Variants in DMD observed in about 807,000 individuals in gnomAD.
DMD encodes mutant dystrophin.
A neutral mutation model predicts 330.1 loss-of-function variants in DMD; 63 were observed. The ratio of observed to expected loss-of-function variants is 0.19; its 90% CI spans 0.16 to 0.24. The LOEUF (loss-of-function observed/expected upper bound fraction) is 0.24, where lower values mean the gene tolerates loss of function less well. DMD is among the 10% of genes least tolerant of loss of function. DMD has a pLI of 1.00. For missense variants in DMD, 3,344 were observed against 2,684.1 expected, an observed-to-expected ratio of 1.25 and a Z score of -5.43; for synonymous variants, 1,223 against 959.8, an observed-to-expected ratio of 1.27 and a Z score of -5.07.
chrX:31,407,758 G>A (rs2061467818), intron 60 of DMD, among the ~76,000 whole-genome samples: 2 of 110,261 alleles, frequency 1.8e-5, no homozygotes, highest in Non-Finnish European at 3.8e-5. Context: ...GGGATTTTAG[G>A]CATGAGCCAC....
chrX:31,230,685 C>G (rs1472490875), intron 63 of DMD, among the ~76,000 whole-genome samples: 5 of 109,889 alleles, frequency 4.6e-5, no homozygotes, highest in East Asian at 2.8e-4. Flanking sequence ...AATAAAGTAC[C>G]TAGTATGGCA....
chrX:32,057,903 T>C (rs2096191227), intron 44 of DMD, among the ~76,000 whole-genome samples: 1 of 110,831 alleles, frequency 9.0e-6, no homozygotes, highest in Admixed American at 9.6e-5. Flanking sequence ...TATAGACCAA[T>C]GGAACAGAAT....
At chrX:32,489,275 G>T (rs770490755) in intron 20 of DMD, among the ~76,000 whole-genome samples, 2 of 109,578 alleles carry the variant, frequency 1.8e-5, no homozygotes, top group South Asian at 8.1e-4. Flanking sequence ...CCATTGGTGA[G>T]ACTATTTGGT....
chrX:31,954,035 GT>G (rs1207574619), intron 45 of DMD, among the ~76,000 whole-genome samples: 1 of 110,469 alleles, frequency 9.1e-6, no homozygotes, highest in Admixed American at 9.7e-5. Flanking sequence ...GAAACAAGCT[GT>G]TTTTGTCATG....
intron 64 of DMD, among the ~76,000 whole-genome samples, chrX:31,215,810 A>G (rs2045350490): frequency 8.9e-6 from 1 of 112,446 alleles, no homozygotes; most frequent in African/African-American, 3.2e-5. Flanking sequence ...GACAATTGGG[A>G]CAGCTTGAAT....
In DMD at chrX:31,256,087, A is replaced by T. The variant is rs191196181; in HGVS notation, c.9286+4868T>A. Among the ~76,000 whole-genome samples the T allele has an allele frequency of 2.3e-3, 258 of 110,436 alleles. 2 individuals are homozygous for T. Among genetic ancestry groups the T allele is most frequent in the African/African-American group, 8.1e-3 (245 of 30,353 alleles). Reference sequence around the variant, plus strand: ...CACCGTGCCCAGCCCCAATATCCTCACATTTTAAAGATAAAGCACCAAGGT... The same window carrying T: ...CACCGTGCCCAGCCCCAATATCCTCTCATTTTAAAGATAAAGCACCAAGGT... On this transcript the variant is annotated intron_variant, in intron 63 of 78. Transcript: ENST00000357033.
intron 2 of DMD, among the ~76,000 whole-genome samples, chrX:32,923,032 A>C (rs1255920003): frequency 9.0e-6 from 1 of 111,695 alleles, no homozygotes; most frequent in African/African-American, 3.3e-5. Context: ...TTTTAACAGA[A>C]ATTCTTCTTG....
At chrX:32,314,943 G>A (rs1428167775) in intron 41 of DMD, among the ~76,000 whole-genome samples, 5 of 111,628 alleles carry the variant, frequency 4.5e-5, no homozygotes, top group Non-Finnish European at 9.4e-5. Context: ...GTTGGTGGGA[G>A]TGTAAATTAG....
At chrX:32,985,097 A>T in intron 2 of DMD, among the ~76,000 whole-genome samples, 1 of 112,433 alleles carries the variant, frequency 8.9e-6, no homozygotes, top group East Asian at 2.8e-4. Context: ...ATGCTTTCGC[A>T]GTTTCTATCT....
chrX:31,684,943 T>C (rs952608222), intron 52 of DMD, among the ~76,000 whole-genome samples: 1 of 112,353 alleles, frequency 8.9e-6, no homozygotes, highest in African/African-American at 3.2e-5. Context: ...TCTTTTGATG[T>C]AAACAAAGGT....
At chrX:31,967,739 C>T (rs2095364560) in intron 45 of DMD, among the ~76,000 whole-genome samples, 1 of 111,626 alleles carries the variant, frequency 9.0e-6, no homozygotes, top group African/African-American at 3.3e-5. Flanking sequence ...CCAACTGCAG[C>T]AGCACGCATT....
intron 2 of DMD, among the ~76,000 whole-genome samples, chrX:32,998,650 T>C (rs181608770): frequency 9.3e-5 from 10 of 107,283 alleles, no homozygotes; most frequent in African/African-American, 2.0e-4. Flanking sequence ...TATGTTTATA[T>C]ACACACACAC....
chrX:32,473,987 C>A lies in DMD; in HGVS notation c.2804-1678G>T, dbSNP rs143529411. Among the ~76,000 whole-genome samples the A allele has an allele frequency of 7.8e-3, 855 of 110,055 alleles. 5 individuals carry two copies. Among genetic ancestry groups the A allele is most frequent in the African/African-American group, 0.026 (794 of 30,119 alleles). On this transcript the variant is annotated intron_variant, in intron 21 of 78. Coordinates refer to ENST00000357033, the MANE Select transcript of DMD (RefSeq NM_004006.3). ...GTAGTCTTTTCTCTCTCCCCCCAAC[C>A]TTCCCCACAAGTTCCCAAAGTCCAT...
intron 7 of DMD, among the ~76,000 whole-genome samples, chrX:32,700,886 G>A (rs1033707354): frequency 1.1e-4 from 12 of 111,676 alleles, no homozygotes; most frequent in African/African-American, 1.6e-4. Flanking sequence ...TCTCAAGTCC[G>A]TTAGCACAAA....
At chrX:31,907,872 A>G (rs962316387) in intron 47 of DMD, among the ~76,000 whole-genome samples, 44 of 112,658 alleles carry the variant, frequency 3.9e-4, no homozygotes, top group Non-Finnish European at 5.4e-4. Flanking sequence ...AATTTACAAG[A>G]AAAAAACCAA....
rs1264968180 is a variant in DMD, at chrX:31,373,609, C to A, written c.9085-24975G>T. Among the ~76,000 whole-genome samples, 9 of 106,670 alleles carry A rather than the reference C, an allele frequency of 8.4e-5. No homozygotes were observed. The Admixed American group carries it at 9.1e-4, about 11-fold the overall frequency. The allele number at this position is 106,670 out of a possible 115,157, so 92.6% of individuals were successfully genotyped here. On this transcript the variant is annotated intron_variant, in intron 60 of 78. Coordinates refer to ENST00000357033, the MANE Select transcript of DMD (RefSeq NM_004006.3). ...TAATAAATGGTGCTGGGAAAACTGGCTAGCCATATGTAGAAAGCTGAAACT... is the reference window on the plus strand; with the variant it reads ...TAATAAATGGTGCTGGGAAAACTGGATAGCCATATGTAGAAAGCTGAAACT...
At chrX:31,808,791 T>C (rs2092369968) in intron 50 of DMD, among the ~76,000 whole-genome samples, 1 of 111,450 alleles carries the variant, frequency 9.0e-6, no homozygotes, top group Non-Finnish European at 1.9e-5. Flanking sequence ...ATATTTTACC[T>C]TAAAGAAATA....
intron 2 of DMD, among the ~76,000 whole-genome samples, chrX:32,982,903 C>T (rs12840023): frequency 0.03 from 3,348 of 112,212 alleles, 93 homozygotes; most frequent in East Asian, 0.18. Flanking sequence ...CTTCAGCTCT[C>T]ATCCACAGAT....
chrX:31,672,388 C>T (rs149911463), intron 53 of DMD, among the ~76,000 whole-genome samples: 80 of 112,029 alleles, frequency 7.1e-4, no homozygotes, highest in Admixed American at 1.5e-3. Context: ...TTGGATGAAA[C>T]GCTGTATAGA....
Sources: gnomAD v4.1 joint callset for allele counts (sites outside exome capture counted in the v4.1 genomes callset) on GRCh38, gnomAD v4.1.1 for gene constraint, MANE v1.5 for transcripts, NCBI Gene and HGNC (gene_info 2026-07-23, HGNC 2026-07-21) for gene names.